The following SLC41A2 variants were observed in gnomAD, a reference collection of about 807,000 sequenced individuals.
SLC41A2 encodes solute carrier family 41 member 2.
SLC41A2 carries 32 observed loss-of-function variants against 58.3 expected under a neutral mutation model. The ratio of observed to expected loss-of-function variants is 0.55; its 90% CI spans 0.41 to 0.74. The LOEUF is 0.74. SLC41A2 is among the 30% of genes least tolerant of loss of function. The probability of loss-of-function intolerance (pLI) is 0.00; values close to 1 mark genes in which losing one functional copy is unlikely to be tolerated. For missense variants in SLC41A2, 514 were observed against 680.6 expected (o/e 0.76, Z 2.72); for synonymous variants, 190 against 235.0 (o/e 0.81, Z 1.75).
intron 1 of SLC41A2, among the ~76,000 whole-genome samples, chr12:104,949,455 A>ATACAAAT (rs2047869770): frequency 6.6e-6 from 1 of 152,260 alleles, no homozygotes; most frequent in South Asian, 2.1e-4. Flanking sequence ...ACAGATTTAC[A>ATACAAAT]TAAAGATCAT....
At chr12:104,946,280 G>A (rs550757299) in intron 1 of SLC41A2, among the ~76,000 whole-genome samples, 290 of 151,742 alleles carry the variant, frequency 1.9e-3, no homozygotes, top group Non-Finnish European at 1.6e-3. Flanking sequence ...TTCTTTTTTT[G>A]TAGAGACATT....
chr12:104,858,611 C>T (rs1349225283), intron 8 of SLC41A2, among the ~76,000 whole-genome samples: 2 of 152,084 alleles, frequency 1.3e-5, no homozygotes, highest in Non-Finnish European at 2.9e-5. Flanking sequence ...ATAGAGTAAA[C>T]CATCTCTATT....
At chr12:104,892,217 G>A (rs1250259709) in intron 4 of SLC41A2, among the ~76,000 whole-genome samples, 1 of 151,578 alleles carries the variant, frequency 6.6e-6, no homozygotes, top group East Asian at 1.9e-4. Flanking sequence ...GAACTCAGGA[G>A]GCGGAGGCTG....
chr12:104,810,274 C>T (rs1296346202), intron 10 of SLC41A2, among the ~76,000 whole-genome samples: 1 of 151,882 alleles, frequency 6.6e-6, no homozygotes, highest in Non-Finnish European at 1.5e-5. Flanking sequence ...GTAAATTTAC[C>T]TTCTGTATGG....
Position 104,860,284 on chromosome 12 carries a change from C to T in SLC41A2, c.1255+1007G>A, listed in dbSNP as rs192154102. Among the ~76,000 whole-genome samples, 815 of 151,138 alleles carry T rather than the reference C, an allele frequency of 5.4e-3. 10 individuals are homozygous for T. Among genetic ancestry groups the T allele is most frequent in the African/African-American group, 0.019 (771 of 41,162 alleles). On this transcript the variant is annotated intron_variant, in intron 8 of 10. Coordinates refer to ENST00000258538, the MANE Select transcript of SLC41A2 (RefSeq NM_001352171.3). ...CATTAGGACAAATAACTCATGCATG[C>T]GGGGCTTAAAAACTAGATGATGGGT...
chr12:104,892,315 AT>A lies in SLC41A2; in HGVS notation c.735+2958del, dbSNP rs796219545. ...CATCTCAAAAAAAAAATAAAATAAA[AT>A]AAAATAAAATAAAATAAAATATTGA... On this transcript the variant is annotated intron_variant, in intron 4 of 10. Coordinates refer to ENST00000258538, the MANE Select transcript of SLC41A2 (RefSeq NM_001352171.3). Among the ~76,000 whole-genome samples the A allele has an allele frequency of 8.0e-3, 1,053 of 132,400 alleles. 79 individuals are homozygous for A. The highest frequency in any genetic ancestry group is 0.034 in the African/African-American group (948 of 27,734). The allele number at this position is 132,400 out of a possible 152,430, so 86.9% of individuals were successfully genotyped here. A position where few individuals can be genotyped will look rare whatever the true frequency, so the allele number is the denominator to read the frequency against.
chr12:104,824,429 A>G (rs1227144371), intron 10 of SLC41A2, among the ~76,000 whole-genome samples: 1 of 152,200 alleles, frequency 6.6e-6, no homozygotes, highest in Admixed American at 6.5e-5. Context: ...AGGAGAGCCC[A>G]GGCCTCCAAG....
At chr12:104,951,295 T>G (rs2047942887) in intron 1 of SLC41A2, among the ~76,000 whole-genome samples, 2 of 152,186 alleles carry the variant, frequency 1.3e-5, no homozygotes, top group African/African-American at 4.8e-5. Flanking sequence ...ATGTACTACT[T>G]AAATTAAGAC....
chr12:104,869,894 C>G (rs2043673780), intron 6 of SLC41A2, among the ~76,000 whole-genome samples: 1 of 152,170 alleles, frequency 6.6e-6, no homozygotes, highest in Non-Finnish European at 1.5e-5. Flanking sequence ...CAACTATGAA[C>G]TTCCACATTA....
At chr12:104,905,776 C>T (rs990080719) in intron 3 of SLC41A2, among the ~76,000 whole-genome samples, 3 of 152,254 alleles carry the variant, frequency 2.0e-5, no homozygotes, top group African/African-American at 4.8e-5. Flanking sequence ...CCCCATTGCC[C>T]GGGGACAGCA....
At chr12:104,809,294 T>C (rs988890521) in intron 10 of SLC41A2, among the ~76,000 whole-genome samples, 1 of 152,240 alleles carries the variant, frequency 6.6e-6, no homozygotes, top group South Asian at 2.1e-4. Context: ...AAGAGACCTT[T>C]CACTAACCTG....
chr12:104,909,836 A>T, intron 2 of SLC41A2, 74 bp from the exon 3 acceptor site: 1 of 1,044,192 alleles, frequency 9.6e-7, no homozygotes, highest in Non-Finnish European at 1.4e-6. Flanking sequence ...CATTTCTAAA[A>T]ATCTCAGCCT....
chr12:104,809,320 G>C (rs1194847670), intron 10 of SLC41A2, among the ~76,000 whole-genome samples: 1 of 152,228 alleles, frequency 6.6e-6, no homozygotes, highest in East Asian at 1.9e-4. Context: ...TAGGCCGTGG[G>C]TGTGAGGCAT....
intron 1 of SLC41A2, among the ~76,000 whole-genome samples, chr12:104,942,663 C>G (rs2047557735): frequency 6.6e-6 from 1 of 152,112 alleles, no homozygotes; most frequent in African/African-American, 2.4e-5. Context: ...AAAATTGAGC[C>G]AGCTTTTTTT....
At chr12:104,876,662 A>C (rs1212207483) in intron 6 of SLC41A2, among the ~76,000 whole-genome samples, 6 of 152,076 alleles carry the variant, frequency 3.9e-5, no homozygotes, top group Non-Finnish European at 8.8e-5. Context: ...AATCTTCTCA[A>C]AGTCTTCTTT....
chr12:104,848,771 AAATG>A (rs1220135781), intron 8 of SLC41A2, among the ~76,000 whole-genome samples: 1 of 152,146 alleles, frequency 6.6e-6, no homozygotes, highest in African/African-American at 2.4e-5. Flanking sequence ...GCACATTAAC[AAATG>A]AATGGAGGAA....
At chr12:104,890,686 C>G (rs2044915125) in intron 4 of SLC41A2, among the ~76,000 whole-genome samples, 1 of 152,190 alleles carries the variant, frequency 6.6e-6, no homozygotes, top group Non-Finnish European at 1.5e-5. Context: ...TGAAGGTTAA[C>G]AGGGGCCATA....
chr12:104,842,278 CT>C (rs2042439709), intron 10 of SLC41A2, among the ~76,000 whole-genome samples: 1 of 151,874 alleles, frequency 6.6e-6, no homozygotes, highest in Non-Finnish European at 1.5e-5. Context: ...AAGATTTGAT[CT>C]AAGAATTTAC....
At chr12:104,909,265 ATTTTC>A (rs1245736962) in intron 3 of SLC41A2, among the ~76,000 whole-genome samples, 1 of 152,114 alleles carries the variant, frequency 6.6e-6, no homozygotes, top group East Asian at 1.9e-4. Context: ...GTAGCTTTAG[ATTTTC>A]TTTTTTATAT....
Sources: gnomAD v4.1 joint callset for allele counts (sites outside exome capture counted in the v4.1 genomes callset) on GRCh38, gnomAD v4.1.1 for gene constraint, MANE v1.5 for transcripts, NCBI Gene and HGNC (gene_info 2026-07-23, HGNC 2026-07-21) for gene names.